The following CAMTA1 variants were observed in gnomAD, a reference collection of about 807,000 sequenced individuals.
CAMTA1 encodes the protein calmodulin binding transcription activator 1.
In CAMTA1, 27 loss-of-function variants were observed where a neutral mutation model predicts 170.9. That is an observed-to-expected ratio of 0.16 (90% confidence interval 0.12 to 0.22). CAMTA1 has a LOEUF of 0.22. Ranked by LOEUF, CAMTA1 falls within the 10% of genes least tolerant of loss-of-function variation. The pLI, the probability that CAMTA1 is intolerant of heterozygous loss-of-function variation, is 1.00. For missense variants in CAMTA1, 1,619 were observed against 2,217.2 expected (o/e 0.73, Z 5.42); for synonymous variants, 833 against 891.5 (o/e 0.93, Z 1.17).
intron 6 of CAMTA1, among the ~76,000 whole-genome samples, chr1:7,543,268 C>T (rs1486411824): frequency 6.6e-6 from 1 of 152,150 alleles, no homozygotes; most frequent in African/African-American, 2.4e-5. Context: ...GTGTTCAGCA[C>T]TATAAATAAT....
At chr1:6,793,919 C>T (rs933474050) in intron 1 of CAMTA1, among the ~76,000 whole-genome samples, 5 of 152,016 alleles carry the variant, frequency 3.3e-5, no homozygotes, top group Non-Finnish European at 5.9e-5. Flanking sequence ...TGTTGGTTTT[C>T]TGGGCACTTG....
At chr1:7,322,141 G>A (rs1036842389) in intron 5 of CAMTA1, among the ~76,000 whole-genome samples, 1 of 152,156 alleles carries the variant, frequency 6.6e-6, no homozygotes, top group Non-Finnish European at 1.5e-5. Flanking sequence ...AATTTTTTGA[G>A]CCCGGTGTCT....
At chr1:7,563,211 G>A (rs1452241491) in intron 6 of CAMTA1, among the ~76,000 whole-genome samples, 5 of 152,216 alleles carry the variant, frequency 3.3e-5, no homozygotes, top group African/African-American at 9.6e-5. Context: ...TCACACATGG[G>A]GGCAAGCGGC....
intron 1 of CAMTA1, among the ~76,000 whole-genome samples, chr1:6,793,881 A>T (rs1641816065): frequency 6.6e-6 from 1 of 152,242 alleles, no homozygotes; most frequent in Non-Finnish European, 1.5e-5. Context: ...CCTTTTCTGA[A>T]AAGTCATTTC....
At chr1:7,718,183 A>G (rs1420839551) in intron 11 of CAMTA1, among the ~76,000 whole-genome samples, 1 of 145,042 alleles carries the variant, frequency 6.9e-6, no homozygotes, top group African/African-American at 2.9e-5. Context: ...GCGCAGTCTT[A>G]GCCAGCAGTG....
intron 3 of CAMTA1, among the ~76,000 whole-genome samples, chr1:6,897,320 G>A (rs1314283719): frequency 6.6e-6 from 1 of 152,210 alleles, no homozygotes; most frequent in Non-Finnish European, 1.5e-5. Context: ...TGTAAGCACA[G>A]CAGATTGTGT....
At chr1:7,017,596 G>T (rs1373016103) in intron 3 of CAMTA1, among the ~76,000 whole-genome samples, 1 of 151,874 alleles carries the variant, frequency 6.6e-6, no homozygotes, top group South Asian at 2.1e-4. Context: ...TTTAAATGAG[G>T]AGTGGAGAGG....
chr1:7,030,680 C>CT (rs1270242580), intron 3 of CAMTA1, among the ~76,000 whole-genome samples: 1 of 152,002 alleles, frequency 6.6e-6, no homozygotes, highest in African/African-American at 2.4e-5. Flanking sequence ...TCATTTAATT[C>CT]TTTTAAATTT....
chr1:7,497,058 G>A (rs2093840411), intron 6 of CAMTA1, among the ~76,000 whole-genome samples: 1 of 152,166 alleles, frequency 6.6e-6, no homozygotes, highest in Non-Finnish European at 1.5e-5. Context: ...CCAAGGCCAC[G>A]GTCTTTTCAG....
intron 3 of CAMTA1, among the ~76,000 whole-genome samples, chr1:7,057,931 C>T (rs917619072): frequency 7.2e-5 from 11 of 152,220 alleles, no homozygotes; most frequent in Non-Finnish European, 1.6e-4. Flanking sequence ...GATCCTGACA[C>T]CAAGCCAGGC....
intron 6 of CAMTA1, among the ~76,000 whole-genome samples, chr1:7,559,332 G>A (rs1013736439): frequency 4.0e-5 from 6 of 151,402 alleles, no homozygotes; most frequent in African/African-American, 1.5e-4. Flanking sequence ...GGGAGGGGAG[G>A]TTCTCAAGCT....
intron 3 of CAMTA1, among the ~76,000 whole-genome samples, chr1:6,847,925 C>T (rs942550383): frequency 6.7e-6 from 1 of 149,466 alleles, no homozygotes; most frequent in African/African-American, 2.5e-5. Flanking sequence ...GTTGGTCAGG[C>T]TGGTCTTGAA....
chr1:7,429,611 ATGG>A (rs1479146490), intron 5 of CAMTA1, among the ~76,000 whole-genome samples: 1 of 151,210 alleles, frequency 6.6e-6, no homozygotes, highest in African/African-American at 2.4e-5. Flanking sequence ...GGTGATGCTG[ATGG>A]TGGTGATGGT....
intron 3 of CAMTA1, among the ~76,000 whole-genome samples, chr1:6,868,203 AAG>A (rs1424285494): frequency 6.6e-6 from 1 of 152,048 alleles, no homozygotes; most frequent in African/African-American, 2.4e-5. Context: ...CGATCTTGTA[AAG>A]AGTTAGTAGA....
chr1:7,226,698 T>C (rs1175928484), intron 4 of CAMTA1, among the ~76,000 whole-genome samples: 1 of 152,232 alleles, frequency 6.6e-6, no homozygotes, highest in Non-Finnish European at 1.5e-5. Flanking sequence ...CATTCCATTT[T>C]GCAATTTTTT....
intron 3 of CAMTA1, chr1:6,834,644 AT>A (rs889142312): frequency 1.4e-3 from 216 of 152,902 alleles, no homozygotes; most frequent in South Asian, 5.2e-3. Context: ...GACCTTTTTA[AT>A]TTTTTTTTTT....
Position 7,673,668 on chromosome 1 carries a change from A to C in CAMTA1, c.2779+2631A>C, listed in dbSNP as rs1257261221. Among the ~76,000 whole-genome samples the C allele has an allele frequency of 6.6e-6, 1 of 151,646 alleles. No homozygotes were observed. The highest frequency in any genetic ancestry group is 6.6e-5 in the Admixed American group (1 of 15,226). On this transcript the variant is annotated intron_variant, in intron 10 of 22. Transcript: ENST00000303635. This position sits in a 1 kb window ranked among gnomAD's most constrained non-coding sequence, Gnocchi z 4.6. ...GGCTCAAGGCACACTGAGAGCTGGG[A>C]CTCCCCTGCTAGAGCCAGCACTCTG...
At chr1:7,277,807 A>T (rs1165857592) in intron 5 of CAMTA1, among the ~76,000 whole-genome samples, 2 of 151,536 alleles carry the variant, frequency 1.3e-5, no homozygotes, top group African/African-American at 4.9e-5. Context: ...GGGTTATATC[A>T]TATATGCTAT....
intron 16 of CAMTA1, among the ~76,000 whole-genome samples, chr1:7,739,631 C>G (rs1005383766): frequency 6.6e-6 from 1 of 152,106 alleles, no homozygotes; most frequent in South Asian, 2.1e-4. Flanking sequence ...TGGTGGCAGG[C>G]AAGAGAGAAT....
Sources: gnomAD v4.1 joint callset for allele counts (sites outside exome capture counted in the v4.1 genomes callset) on GRCh38, gnomAD v4.1.1 for gene constraint, Gnocchi (gnomAD v3.1) non-coding constraint, MANE v1.5 for transcripts, NCBI Gene and HGNC (gene_info 2026-07-23, HGNC 2026-07-21) for gene names.